Variants in CCDC33 observed in about 807,000 individuals in gnomAD.
CCDC33 encodes the protein coiled-coil domain containing 33.
In CCDC33, 94 loss-of-function variants were observed where a neutral mutation model predicts 91.9. The ratio of observed to expected loss-of-function variants is 1.02; its 90% CI spans 0.87 to 1.21. The LOEUF (loss-of-function observed/expected upper bound fraction) is 1.21, where lower values mean the gene tolerates loss of function less well. Among genes scored for constraint, CCDC33 ranks in the 50% most tolerant of loss-of-function variants. The pLI, the probability that CCDC33 is intolerant of heterozygous loss-of-function variation, is 0.00. For synonymous variants in CCDC33, 396 were observed against 374.5 expected, an observed-to-expected ratio of 1.06 and a Z score of -0.66; for missense variants, 940 against 935.5, an observed-to-expected ratio of 1.00 and a Z score of -0.06.
intron 2 of CCDC33, among the ~76,000 whole-genome samples, chr15:74,219,894 A>G (rs531491): frequency 0.55 from 84,316 of 151,974 alleles, 23,912 homozygotes; most frequent in African/African-American, 0.62. Flanking sequence ...GAAGATGAGC[A>G]GAGATTGGAG....
intron 2 of CCDC33, among the ~76,000 whole-genome samples, chr15:74,250,662 C>T (rs915008508): frequency 1.3e-5 from 2 of 152,220 alleles, no homozygotes; most frequent in African/African-American, 4.8e-5. Context: ...CACTGTGCCC[C>T]ACTAGTTCCG....
At chr15:74,294,164 TG>T (rs764547867) in intron 10 of CCDC33, among the ~76,000 whole-genome samples, 1 of 152,180 alleles carries the variant, frequency 6.6e-6, no homozygotes, top group African/African-American at 2.4e-5. Flanking sequence ...GCATCTGTAC[TG>T]GTTGGCAGTG....
At position 74,299,321 on chromosome 15, in the gene CCDC33, A is replaced by T. The variant is rs1312050208; in HGVS notation, c.1290+3373A>T. Reference sequence around the variant, plus strand: ...GACTGGCTGCTAGCCCTGGTTTGCTATCGGGTTAGGGCCACTCAGCCACCA... The same window carrying T: ...GACTGGCTGCTAGCCCTGGTTTGCTTTCGGGTTAGGGCCACTCAGCCACCA... On this transcript the variant is annotated intron_variant, in intron 11 of 18. Transcript: ENST00000398814. 3.9e-5 allele frequency among the ~76,000 whole-genome samples: 6 copies of T among 152,246 alleles called. No individual in the cohort carries two copies. In the East Asian group the frequency reaches 1.2e-3, roughly 29 times the overall value.
chr15:74,220,887 T>C (rs435293), intron 2 of CCDC33, among the ~76,000 whole-genome samples: 84,533 of 152,028 alleles, frequency 0.56, 24,045 homozygotes, highest in Non-Finnish European at 0.63. Flanking sequence ...CCAGATAACT[T>C]GCTCTAGCAG....
At chr15:74,240,300 C>T (rs1270457070) in intron 1 of CCDC33, among the ~76,000 whole-genome samples, 1 of 152,330 alleles carries the variant, frequency 6.6e-6, no homozygotes, top group South Asian at 2.1e-4. Context: ...CTGCAGATGC[C>T]TAGTTGGGCT....
chr15:74,215,365 A>G (rs1436685821), upstream of CCDC33, among the ~76,000 whole-genome samples: 1 of 152,198 alleles, frequency 6.6e-6, no homozygotes, highest in Non-Finnish European at 1.5e-5. Flanking sequence ...GGTGGTTGCC[A>G]GGAGCTGGGG....
chr15:74,208,604 C>A (rs943920582), intron 1 of CCDC33, among the ~76,000 whole-genome samples: 3 of 152,184 alleles, frequency 2.0e-5, no homozygotes, highest in African/African-American at 7.2e-5. Flanking sequence ...TGCTAGCCCC[C>A]CAGTGTCCCC....
chr15:74,206,268 T>G (rs1297687676), intron 1 of CCDC33, among the ~76,000 whole-genome samples: 1 of 152,110 alleles, frequency 6.6e-6, no homozygotes, highest in Admixed American at 6.5e-5. Flanking sequence ...GTGGGCAGGC[T>G]GGGTTGAAGA....
chr15:74,280,599 G>GAT, intron 8 of CCDC33, 69 bp from the exon 9 acceptor site: 1 of 1,416,602 alleles, frequency 7.1e-7, no homozygotes, highest in Non-Finnish European at 9.3e-7. Context: ...AGGACTGGAT[G>GAT]TCAGGTATTA....
chr15:74,281,270 A>T (rs2059358218), intron 9 of CCDC33, among the ~76,000 whole-genome samples: 1 of 152,246 alleles, frequency 6.6e-6, no homozygotes, highest in Admixed American at 6.5e-5. Context: ...CTGGGTCCAA[A>T]TTCTGGTTCC....
At chr15:74,206,082 G>A (rs750222952) in intron 1 of CCDC33, among the ~76,000 whole-genome samples, 20 of 152,280 alleles carry the variant, frequency 1.3e-4, no homozygotes, top group Admixed American at 3.3e-4. Context: ...TCTCAAATCC[G>A]GCCTGGAGAT....
upstream of CCDC33, among the ~76,000 whole-genome samples, chr15:74,232,082 C>T (rs182349461): frequency 3.4e-4 from 51 of 152,206 alleles, no homozygotes; most frequent in African/African-American, 1.1e-3. Flanking sequence ...AATGACATGG[C>T]GCAGGTCAAC....
chr15:74,288,136 T>A (rs1205836682), intron 10 of CCDC33, among the ~76,000 whole-genome samples: 1 of 148,970 alleles, frequency 6.7e-6, no homozygotes, highest in East Asian at 1.9e-4. Flanking sequence ...AGAGAGTTCA[T>A]TACCACCCAG....
rs933228671 is a variant in CCDC33 at position 74,244,855 on chromosome 15, G to A, written c.185+707G>A. Among the ~76,000 whole-genome samples the A allele has an allele frequency of 6.6e-6, 1 of 152,234 alleles. No individual in the cohort carries two copies. Among genetic ancestry groups the A allele is most frequent in the Non-Finnish European group, 1.5e-5 (1 of 68,038 alleles). ...TTATAAAGCACCCTCCAAGGAGCATGTCACCCCTAGACCTTCTATAGACAG... is the reference window on the plus strand; with the variant it reads ...TTATAAAGCACCCTCCAAGGAGCATATCACCCCTAGACCTTCTATAGACAG... On this transcript the variant is annotated intron_variant, in intron 2 of 18. Coordinates refer to ENST00000398814, the MANE Select transcript of CCDC33 (RefSeq NM_025055.5). This position sits in a 1 kb window ranked among gnomAD's most constrained non-coding sequence, Gnocchi z 4.2.
In CCDC33 at chr15:74,244,253, C is replaced by T; in HGVS notation, c.185+105C>T. ...AGCACCCAAAGGCCCAGGACTGGGA[C>T]TGTCATACCCAGAGGGGAGGAGCTG... is the stretch of plus-strand genomic sequence containing the variant. On this transcript the variant is annotated intron_variant, in intron 2 of 18. Transcript: ENST00000398814. This position sits in a 1 kb window ranked among gnomAD's most constrained non-coding sequence, Gnocchi z 4.2. The T allele has an allele frequency of 7.1e-7, 1 of 1,407,792 alleles. No homozygotes were observed. The highest frequency in any genetic ancestry group is 9.5e-7 in the Non-Finnish European group (1 of 1,047,596). The allele number at this position is 1,407,792 out of a possible 1,614,324, so 87.2% of individuals were successfully genotyped here. A position where few individuals can be genotyped will look rare whatever the true frequency, so the allele number is the denominator to read the frequency against.
upstream of CCDC33, chr15:74,213,620 C>A (rs372107729): frequency 1.3e-5 from 2 of 152,236 alleles, no homozygotes; most frequent in South Asian, 2.1e-4. Context: ...TTCCCCTGGC[C>A]GCTGCAAGCC....
At chr15:74,252,310 G>T (rs2075733782) in intron 2 of CCDC33, among the ~76,000 whole-genome samples, 1 of 152,280 alleles carries the variant, frequency 6.6e-6, no homozygotes, top group South Asian at 2.1e-4. Flanking sequence ...GACCCCTGAA[G>T]GCAGGGATCT....
intron 2 of CCDC33, among the ~76,000 whole-genome samples, chr15:74,248,389 G>A (rs1303537550): frequency 6.0e-5 from 9 of 151,194 alleles, no homozygotes; most frequent in Non-Finnish European, 1.2e-4. Flanking sequence ...CCTGTTTTTT[G>A]GTACCCTGAG....
At chr15:74,246,912 C>T (rs1433485610) in intron 2 of CCDC33, among the ~76,000 whole-genome samples, 3 of 151,320 alleles carry the variant, frequency 2.0e-5, no homozygotes, top group African/African-American at 4.9e-5. Flanking sequence ...TTTGCGGGGC[C>T]GAGGTGGGCG....
Sources: gnomAD v4.1 joint callset for allele counts (sites outside exome capture counted in the v4.1 genomes callset) on GRCh38, gnomAD v4.1.1 for gene constraint, Gnocchi (gnomAD v3.1) non-coding constraint, MANE v1.5 for transcripts, NCBI Gene and HGNC (gene_info 2026-07-23, HGNC 2026-07-21) for gene names.